KAZN: variants seen among roughly 807,000 people sequenced by gnomAD.
KAZN encodes the protein kazrin, periplakin interacting protein, also known as kazrin.
KAZN carries 40 observed loss-of-function variants against 87.4 expected under a neutral mutation model. That is an observed-to-expected ratio of 0.46 (90% CI 0.36 to 0.60). The LOEUF is 0.60. Among genes scored for constraint, KAZN ranks in the 20% least tolerant of loss-of-function variants. KAZN has a pLI of 0.00. For missense variants in KAZN, 898 were observed against 1,073.9 expected (o/e 0.84, Z 2.29); for synonymous variants, 466 against 458.3 (o/e 1.02, Z -0.22).
intron 1 of KAZN, among the ~76,000 whole-genome samples, chr1:14,691,825 T>C (rs574410763): frequency 3.2e-4 from 49 of 152,170 alleles, no homozygotes; most frequent in African/African-American, 1.1e-3. Context: ...GTTTCCTATC[T>C]TTAGGGAGAG....
intron 1 of KAZN, among the ~76,000 whole-genome samples, chr1:14,768,761 G>C (rs1390767316): frequency 1.3e-5 from 2 of 152,204 alleles, no homozygotes; most frequent in Non-Finnish European, 2.9e-5. Context: ...GGCTGATTAT[G>C]AGTAATGACT....
At chr1:14,231,703 G>A (rs1200172119) in intron 2 of KAZN, among the ~76,000 whole-genome samples, 1 of 152,226 alleles carries the variant, frequency 6.6e-6, no homozygotes, top group African/African-American at 2.4e-5. Flanking sequence ...TTAGGACTCA[G>A]AAACTCACTT....
chr1:13,913,579 A>G (rs533554524), intron 1 of KAZN, among the ~76,000 whole-genome samples: 7 of 152,280 alleles, frequency 4.6e-5, no homozygotes, highest in African/African-American at 1.2e-4. Context: ...CAGCAAGGCA[A>G]TTCTTACAGA....
intron 1 of KAZN, among the ~76,000 whole-genome samples, chr1:13,952,174 T>C (rs1641371092): frequency 6.6e-6 from 1 of 152,030 alleles, no homozygotes; most frequent in African/African-American, 2.4e-5. Context: ...ATTAATATTA[T>C]TTACTGGGCT....
At chr1:13,972,512 T>C (rs989934593) in intron 1 of KAZN, among the ~76,000 whole-genome samples, 1 of 152,190 alleles carries the variant, frequency 6.6e-6, no homozygotes, top group Non-Finnish European at 1.5e-5. Context: ...CAGCTACATA[T>C]CTATCCAGAG....
chr1:14,308,996 C>T (rs1435167151), intron 2 of KAZN, among the ~76,000 whole-genome samples: 2 of 152,172 alleles, frequency 1.3e-5, no homozygotes, highest in Non-Finnish European at 2.9e-5. Context: ...AATTGGCAGC[C>T]TGATATTTTT....
chr1:14,511,829 A>G (rs1019364345), intron 2 of KAZN, among the ~76,000 whole-genome samples: 1 of 152,242 alleles, frequency 6.6e-6, no homozygotes, highest in African/African-American at 2.4e-5. Flanking sequence ...CTAAAAAGCC[A>G]GACTGGGAAG....
intron 2 of KAZN, among the ~76,000 whole-genome samples, chr1:14,528,337 C>CAAAA (rs33960231): frequency 1.8e-3 from 90 of 48,964 alleles, no homozygotes; most frequent in East Asian, 3.1e-3. Flanking sequence ...GACTCCATCT[C>CAAAA]AAAAAAAAAA....
At chr1:13,981,097 A>ATATATATATATATATATGTG (rs372269866) in intron 1 of KAZN, among the ~76,000 whole-genome samples, 1 of 96,940 alleles carries the variant, frequency 1.0e-5, no homozygotes, top group African/African-American at 4.2e-5. Context: ...CTTTATATAT[A>ATATATATATATATATATGTG]TATATATATA....
intron 2 of KAZN, among the ~76,000 whole-genome samples, chr1:15,026,125 T>TCTCTTCCCCGGGG (rs571030432): frequency 1.2e-3 from 188 of 152,204 alleles, no homozygotes; most frequent in South Asian, 3.7e-3. Context: ...CTGACCTGGG[T>TCTCTTCCCCGGGG]CTCTTCCCCG....
At chr1:13,964,898 A>C (rs772771753) in intron 1 of KAZN, among the ~76,000 whole-genome samples, 2 of 152,190 alleles carry the variant, frequency 1.3e-5, no homozygotes, top group Non-Finnish European at 2.9e-5. Flanking sequence ...GCTCTCCCTG[A>C]GAAACTGACA....
At chr1:14,974,260 C>A (rs1665381659) in intron 2 of KAZN, among the ~76,000 whole-genome samples, 1 of 152,054 alleles carries the variant, frequency 6.6e-6, no homozygotes, top group Non-Finnish European at 1.5e-5. Flanking sequence ...TGGTGACAGG[C>A]CAGCCAGACC....
chr1:13,960,037 T>C (rs1641692455), intron 1 of KAZN, among the ~76,000 whole-genome samples: 1 of 152,036 alleles, frequency 6.6e-6, no homozygotes, highest in African/African-American at 2.4e-5. Flanking sequence ...CCAAAAAACA[T>C]GTAAACCCCA....
At chr1:14,092,092 C>CTTTTTTT (rs869248379) in intron 1 of KAZN, among the ~76,000 whole-genome samples, 2 of 129,090 alleles carry the variant, frequency 1.5e-5, no homozygotes, top group African/African-American at 5.8e-5. Context: ...ATTTTCTTTT[C>CTTTTTTT]TTTTTTTTTT....
chr1:15,079,345 G>C (rs1639895704), intron 8 of KAZN, among the ~76,000 whole-genome samples: 1 of 152,146 alleles, frequency 6.6e-6, no homozygotes, highest in South Asian at 2.1e-4. Flanking sequence ...AATCTAGCTA[G>C]GGAGTGAATT....
At chr1:14,594,218 G>C (rs546257083), upstream of KAZN, among the ~76,000 whole-genome samples, 4 of 152,286 alleles carry the variant, frequency 2.6e-5, no homozygotes, top group African/African-American at 4.8e-5. Flanking sequence ...TCCCAGTCTT[G>C]ACGTTATATT....
intron 1 of KAZN, among the ~76,000 whole-genome samples, chr1:14,925,781 A>T (rs1659103826): frequency 6.6e-6 from 1 of 152,156 alleles, no homozygotes; most frequent in South Asian, 2.1e-4. Flanking sequence ...AGGAGATGGA[A>T]TGCCGCCTCT....
intron 1 of KAZN, among the ~76,000 whole-genome samples, chr1:14,619,523 A>G (rs887153797): frequency 1.3e-4 from 20 of 152,188 alleles, no homozygotes; most frequent in African/African-American, 4.6e-4. Flanking sequence ...TTGTTATTGT[A>G]GTGAAATACA....
intron 2 of KAZN, among the ~76,000 whole-genome samples, chr1:14,397,280 A>T (rs779619117): frequency 2.6e-5 from 4 of 152,032 alleles, no homozygotes; most frequent in Non-Finnish European, 5.9e-5. Flanking sequence ...TGGAGACTGG[A>T]AGTCCAAGAT....
Sources: allele counts gnomAD v4.1 joint callset (sites outside exome capture counted in the v4.1 genomes callset), GRCh38; gene constraint gnomAD v4.1.1; transcripts MANE v1.5; gene names NCBI Gene and HGNC (gene_info 2026-07-23, HGNC 2026-07-21).